The following UBE2D2 variants were observed in gnomAD, a reference collection of about 807,000 sequenced individuals.
UBE2D2 encodes the protein ubiquitin conjugating enzyme E2 D2, also known as ubiquitin-conjugating enzyme E2 D2.
In UBE2D2, 2 loss-of-function variants were observed where a neutral mutation model predicts 24.2. The observed-to-expected ratio is 0.08, with a 90% CI of 0.03 to 0.26. The LOEUF (loss-of-function observed/expected upper bound fraction) is 0.26. Among genes scored for constraint, UBE2D2 ranks in the 10% least tolerant of loss-of-function variants. The probability of loss-of-function intolerance (pLI) is 1.00; values close to 1 mark genes in which losing one functional copy is unlikely to be tolerated. For synonymous variants in UBE2D2, 58 were observed against 56.5 expected, an observed-to-expected ratio of 1.03 and a Z score of -0.12; for missense variants, 44 against 177.6, an observed-to-expected ratio of 0.25 and a Z score of 4.28.
chr5:139,588,144 G>A (rs183250496), intron 1 of UBE2D2, among the ~76,000 whole-genome samples: 41 of 151,854 alleles, frequency 2.7e-4, no homozygotes, highest in African/African-American at 9.9e-4. Context: ...TTTCTATTTT[G>A]TAGAGATGGA....
chr5:139,596,255 CTT>C (rs1334184101), intron 1 of UBE2D2, among the ~76,000 whole-genome samples: 3 of 150,952 alleles, frequency 2.0e-5, no homozygotes, highest in African/African-American at 7.3e-5. Context: ...CGTGCTTTTT[CTT>C]TTTTAAAAAA....
At chr5:139,573,294 TC>T (rs1753393606) in intron 1 of UBE2D2, among the ~76,000 whole-genome samples, 1 of 134,752 alleles carries the variant, frequency 7.4e-6, no homozygotes, top group Non-Finnish European at 1.6e-5. Flanking sequence ...AGAGCGAAAC[TC>T]CATCTCAAAA....
chr5:139,539,842 C>G (rs1477317302), intron 1 of UBE2D2, among the ~76,000 whole-genome samples: 1 of 152,050 alleles, frequency 6.6e-6, no homozygotes, highest in Non-Finnish European at 1.5e-5. Flanking sequence ...AGTGATCCAC[C>G]TGCCTCAGCT....
At chr5:139,599,112 T>C (rs954332436) in intron 1 of UBE2D2, among the ~76,000 whole-genome samples, 14 of 151,606 alleles carry the variant, frequency 9.2e-5, no homozygotes, top group Non-Finnish European at 1.9e-4. Flanking sequence ...GTATTTTTAG[T>C]AGAAATGGGG....
chr5:139,532,649 C>G (rs1752611316), intron 1 of UBE2D2, among the ~76,000 whole-genome samples: 1 of 151,976 alleles, frequency 6.6e-6, no homozygotes, highest in African/African-American at 2.4e-5. Flanking sequence ...CCGCGCTTGG[C>G]CTAGTTTTTG....
chr5:139,567,529 G>GTTTTTT (rs33998713), intron 1 of UBE2D2, among the ~76,000 whole-genome samples: 2 of 100,136 alleles, frequency 2.0e-5, no homozygotes, highest in Non-Finnish European at 1.9e-5. Context: ...AATTTGCTAA[G>GTTTTTT]TTTTTTTTTT....
chr5:139,545,110 T>C (rs917110975), intron 1 of UBE2D2, among the ~76,000 whole-genome samples: 1 of 152,158 alleles, frequency 6.6e-6, no homozygotes, highest in Non-Finnish European at 1.5e-5. Context: ...CTGTGGTAGT[T>C]CTTCCATAGG....
intron 1 of UBE2D2, among the ~76,000 whole-genome samples, chr5:139,531,517 C>T (rs1752596473): frequency 6.6e-6 from 1 of 151,600 alleles, no homozygotes; most frequent in African/African-American, 2.4e-5. Flanking sequence ...TAAAGCCCTT[C>T]TACAACTCGG....
intron 5 of UBE2D2, among the ~76,000 whole-genome samples, chr5:139,617,370 ATTTTTTTTTTTTT>A (rs1292231182): frequency 9.8e-6 from 1 of 102,536 alleles, no homozygotes; most frequent in South Asian, 3.4e-4. Flanking sequence ...GTGGTGTGTG[ATTTTTTTTTTTTT>A]TTTTTTTTTT....
chr5:139,541,257 C>G (rs578069256), intron 1 of UBE2D2, among the ~76,000 whole-genome samples: 2 of 151,254 alleles, frequency 1.3e-5, no homozygotes, highest in Non-Finnish European at 1.5e-5. Flanking sequence ...GAGATCTGGC[C>G]ATTGTACTCC....
At chr5:139,565,006 C>G (rs1204388161) in intron 1 of UBE2D2, among the ~76,000 whole-genome samples, 1 of 152,074 alleles carries the variant, frequency 6.6e-6, no homozygotes, top group Admixed American at 6.6e-5. Flanking sequence ...ATCTTATCTT[C>G]TGTCCTAGTA....
At chr5:139,570,754 A>T (rs1753338375) in intron 1 of UBE2D2, among the ~76,000 whole-genome samples, 1 of 151,616 alleles carries the variant, frequency 6.6e-6, no homozygotes. Flanking sequence ...CTCGTGATCC[A>T]CCCACCTCGG....
chr5:139,625,997 G>T (rs2126712659), intron 6 of UBE2D2, among the ~76,000 whole-genome samples: 1 of 152,136 alleles, frequency 6.6e-6, no homozygotes, highest in African/African-American at 2.4e-5. Context: ...CATTCATTTT[G>T]TCAACCAAAT....
At position 139,614,865 on chromosome 5, in the gene UBE2D2, C is replaced by G. The variant is rs1252354683; in HGVS notation, c.203C>G (p.Ala68Gly). The G allele has an allele frequency of 6.2e-7, 1 of 1,613,206 alleles. No homozygotes were observed. Among genetic ancestry groups the G allele is most frequent in the African/African-American group, 1.3e-5 (1 of 74,866 alleles). ...AAGTTTCCTTTCTTTCTGTAGGTTG[C>G]ATTTACAACAAGAATTTATCATCCA... ...TDYPFKPPKV[A>G]FTTRIYHPNI... Residue 68 changes from alanine (A) to glycine (G), a missense_variant, in exon 5 of 7, where the codon GCA (alanine) becomes GGA (glycine). This residue lies in a region of UBE2D2 where 23 missense variants were observed against 141.9 expected (regional missense o/e 0.16). Transcript: ENST00000398733.
intron 1 of UBE2D2, among the ~76,000 whole-genome samples, chr5:139,583,410 A>G (rs369472551): frequency 4.1e-4 from 63 of 152,324 alleles, no homozygotes; most frequent in African/African-American, 1.4e-3. Flanking sequence ...CCATTCTACA[A>G]TGTATTCATA....
At chr5:139,542,365 G>GTTTGT (rs1373206130) in intron 1 of UBE2D2, among the ~76,000 whole-genome samples, 11 of 152,130 alleles carry the variant, frequency 7.2e-5, no homozygotes, top group Admixed American at 3.9e-4. Flanking sequence ...GCATGATACA[G>GTTTGT]TTTGTTTTGT....
chr5:139,545,746 C>CAG (rs1285565662), intron 1 of UBE2D2, among the ~76,000 whole-genome samples: 4 of 144,514 alleles, frequency 2.8e-5, no homozygotes, highest in Non-Finnish European at 6.0e-5. Context: ...TTTTTGGAAA[C>CAG]AGAGTCTTGC....
intron 1 of UBE2D2, among the ~76,000 whole-genome samples, chr5:139,597,157 A>G (rs1753979857): frequency 6.6e-6 from 1 of 152,188 alleles, no homozygotes; most frequent in Non-Finnish European, 1.5e-5. Flanking sequence ...TCTCTACCAA[A>G]ATAATGATTT....
chr5:139,600,261 T>C (rs1398688418), intron 1 of UBE2D2, 111 bp from the exon 2 acceptor site: 1 of 1,173,596 alleles, frequency 8.5e-7, no homozygotes, highest in East Asian at 2.4e-5. Context: ...GGAATGCTCT[T>C]AAGAGAGTTT....
Sources: gnomAD v4.1 joint callset for allele counts (sites outside exome capture counted in the v4.1 genomes callset) on GRCh38, gnomAD v4.1.1 for gene constraint, gnomAD v4.1.1 regional missense constraint, MANE v1.5 for transcripts, NCBI Gene and HGNC (gene_info 2026-07-23, HGNC 2026-07-21) for gene names.